CSMD1: variants seen among roughly 807,000 people sequenced by gnomAD.
CSMD1 encodes CUB and Sushi multiple domains 1.
Under a neutral mutation model 417.5 loss-of-function variants are expected in CSMD1, and 213 were observed. That is an observed-to-expected ratio of 0.51 (90% CI 0.46 to 0.57). The LOEUF is 0.57. Among genes scored for constraint, CSMD1 ranks in the 20% least tolerant of loss-of-function variants. CSMD1 has a pLI of 0.00. For synonymous variants in CSMD1, 2,862 were observed against 1,736.8 expected, an observed-to-expected ratio of 1.65 and a Z score of -16.11; for missense variants, 6,923 against 4,529.7, an observed-to-expected ratio of 1.53 and a Z score of -15.17.
chr8:3,079,004 G>A (rs115582626), intron 49 of CSMD1, among the ~76,000 whole-genome samples: 2,316 of 152,208 alleles, frequency 0.015, 43 homozygotes, highest in African/African-American at 0.053. Flanking sequence ...TGCAGATAAA[G>A]AACTTCAGTG....
chr8:4,915,950 C>G (rs1806039768), intron 1 of CSMD1, among the ~76,000 whole-genome samples: 1 of 152,178 alleles, frequency 6.6e-6, no homozygotes, highest in African/African-American at 2.4e-5. Flanking sequence ...GGCATCTCTT[C>G]CACAGGAACA....
intron 3 of CSMD1, among the ~76,000 whole-genome samples, chr8:4,383,532 C>T (rs2163303): frequency 0.23 from 34,230 of 152,042 alleles, 3,981 homozygotes; most frequent in Admixed American, 0.28. Context: ...CTATTGCAGA[C>T]AGGTTGTGGT....
intron 3 of CSMD1, among the ~76,000 whole-genome samples, chr8:4,159,035 C>G (rs1162753402): frequency 6.6e-6 from 1 of 152,174 alleles, no homozygotes; most frequent in South Asian, 2.1e-4. Flanking sequence ...CCTGCCTCAG[C>G]CTCCATAGTA....
At chr8:4,707,548 A>T (rs188704748) in intron 1 of CSMD1, among the ~76,000 whole-genome samples, 15 of 152,260 alleles carry the variant, frequency 9.9e-5, no homozygotes, top group Admixed American at 1.3e-4. Flanking sequence ...CTTGTAGAAC[A>T]GATGCTAACT....
At chr8:3,588,933 T>A (rs1008970566) in intron 8 of CSMD1, among the ~76,000 whole-genome samples, 1 of 152,072 alleles carries the variant, frequency 6.6e-6, no homozygotes, top group Non-Finnish European at 1.5e-5. Flanking sequence ...TGAATAGACA[T>A]TTCTTTAAAG....
chr8:4,365,211 TAAAA>T (rs973576510), intron 3 of CSMD1, among the ~76,000 whole-genome samples: 6 of 152,136 alleles, frequency 3.9e-5, no homozygotes, highest in African/African-American at 1.4e-4. Flanking sequence ...TGTCTATATA[TAAAA>T]AAAGAGTTTT....
At chr8:4,009,625 A>T (rs546906122) in intron 4 of CSMD1, among the ~76,000 whole-genome samples, 1 of 152,338 alleles carries the variant, frequency 6.6e-6, no homozygotes, top group East Asian at 1.9e-4. Context: ...TATCCAGGAA[A>T]GAAATAAGAA....
In CSMD1 at chr8:3,556,849, C is replaced by G. The variant is rs183086760; in HGVS notation, c.1344+18096G>C. 3.4e-4 allele frequency among the ~76,000 whole-genome samples: 51 copies of G among 151,722 alleles called. 1 individual carries two copies. The East Asian group carries it at 4.6e-3, about 14-fold the overall frequency. The stretch of plus-strand genomic sequence containing the variant: ...CCCTTCACTGCCATAGGGCTTACCC[C>G]CTCTGGACAGATCTCAGCACACTTC... On this transcript the variant is annotated intron_variant, in intron 10 of 69. Coordinates refer to ENST00000635120, the MANE Select transcript of CSMD1 (RefSeq NM_033225.6).
intron 1 of CSMD1, among the ~76,000 whole-genome samples, chr8:4,831,747 T>C (rs1800162191): frequency 6.6e-6 from 1 of 152,208 alleles, no homozygotes; most frequent in Admixed American, 6.5e-5. Context: ...CTTGGGGTTC[T>C]AGTCCAATTC....
At chr8:3,965,257 G>A (rs540291906) in intron 5 of CSMD1, among the ~76,000 whole-genome samples, 1 of 152,122 alleles carries the variant, frequency 6.6e-6, no homozygotes, top group Admixed American at 6.5e-5. Flanking sequence ...CTCAGCCTTT[G>A]GTCTCCTCCC....
intron 3 of CSMD1, among the ~76,000 whole-genome samples, chr8:4,391,857 T>C (rs1803870327): frequency 6.6e-6 from 1 of 152,170 alleles, no homozygotes; most frequent in Non-Finnish European, 1.5e-5. Context: ...TAGCCTCTGT[T>C]CTCATCTGGG....
chr8:4,432,032 T>G (rs1440122626), intron 2 of CSMD1, among the ~76,000 whole-genome samples: 1 of 152,020 alleles, frequency 6.6e-6, no homozygotes, highest in Admixed American at 6.6e-5. Context: ...TGCAAAAATG[T>G]GTAAGGAGAT....
At chr8:3,732,868 G>GATCT (rs1198931386) in intron 6 of CSMD1, among the ~76,000 whole-genome samples, 2 of 152,112 alleles carry the variant, frequency 1.3e-5, no homozygotes, top group Non-Finnish European at 1.5e-5. Context: ...TTTTAAAAGA[G>GATCT]ATCTATCTAT....
chr8:4,399,113 G>T (rs1404969568), intron 3 of CSMD1, among the ~76,000 whole-genome samples: 1 of 152,170 alleles, frequency 6.6e-6, no homozygotes, highest in Non-Finnish European at 1.5e-5. Flanking sequence ...AGAGCTTTAA[G>T]AGTTTTGTGT....
chr8:3,764,457 G>T (rs1798163744), intron 5 of CSMD1, among the ~76,000 whole-genome samples: 3 of 152,280 alleles, frequency 2.0e-5, no homozygotes, highest in Admixed American at 6.5e-5. Flanking sequence ...GAAGACATGC[G>T]TGTGAGTGAG....
At chr8:4,591,891 A>C (rs1208815839) in intron 2 of CSMD1, among the ~76,000 whole-genome samples, 1 of 152,110 alleles carries the variant, frequency 6.6e-6, no homozygotes, top group Non-Finnish European at 1.5e-5. Flanking sequence ...GGGGAGGCTG[A>C]AAGTTGGGCA....
At chr8:3,240,381 C>G (rs988923601) in intron 26 of CSMD1, among the ~76,000 whole-genome samples, 1 of 151,906 alleles carries the variant, frequency 6.6e-6, no homozygotes, top group Non-Finnish European at 1.5e-5. Context: ...ATGGCAAAAC[C>G]AGGTATCTAA....
At chr8:3,966,709 G>A (rs1163480000) in intron 5 of CSMD1, among the ~76,000 whole-genome samples, 1 of 150,228 alleles carries the variant, frequency 6.7e-6, no homozygotes, top group Non-Finnish European at 1.5e-5. Flanking sequence ...ATGCCTGGCA[G>A]GCTGCAGGCA....
At chr8:3,161,055 C>T (rs1406208993) in intron 38 of CSMD1, among the ~76,000 whole-genome samples, 1 of 152,180 alleles carries the variant, frequency 6.6e-6, no homozygotes, top group Admixed American at 6.5e-5. Context: ...AAACATACAG[C>T]TAAAATATTC....
Sources: allele counts gnomAD v4.1 joint callset (sites outside exome capture counted in the v4.1 genomes callset), GRCh38; gene constraint gnomAD v4.1.1; transcripts MANE v1.5; gene names NCBI Gene and HGNC (gene_info 2026-07-23, HGNC 2026-07-21).